The following DENND2B variants were observed in gnomAD, a reference collection of about 807,000 sequenced individuals.
DENND2B encodes DENN domain containing 2B.
Under a neutral mutation model 116.0 loss-of-function variants are expected in DENND2B, and 32 were observed. The ratio of observed to expected loss-of-function variants is 0.28; its 90% CI spans 0.21 to 0.37. DENND2B has a LOEUF of 0.37. DENND2B is among the 10% of genes least tolerant of loss of function. DENND2B has a pLI of 1.00. For missense variants in DENND2B, 1,276 were observed against 1,477.7 expected, an observed-to-expected ratio of 0.86 and a Z score of 2.24; for synonymous variants, 588 against 583.9, an observed-to-expected ratio of 1.01 and a Z score of -0.10.
chr11:8,835,874 C>T (rs1362538811), intron 4 of DENND2B, among the ~76,000 whole-genome samples: 6 of 152,150 alleles, frequency 3.9e-5, no homozygotes, highest in Admixed American at 6.6e-5. Context: ...ACAGAGCCTA[C>T]GGGGAATGCT....
chr11:8,836,632 G>A (rs942432665), intron 4 of DENND2B, among the ~76,000 whole-genome samples: 3 of 151,942 alleles, frequency 2.0e-5, no homozygotes, highest in Non-Finnish European at 2.9e-5. Context: ...ATGTTGGCCA[G>A]CCTGGTCTCA....
At chr11:8,896,151 T>A (rs1290627839) in intron 1 of DENND2B, among the ~76,000 whole-genome samples, 1 of 152,202 alleles carries the variant, frequency 6.6e-6, no homozygotes, top group Middle Eastern at 3.2e-3. Flanking sequence ...AGAACTGGTA[T>A]AATACTAACC....
intron 4 of DENND2B, among the ~76,000 whole-genome samples, chr11:8,830,515 C>T (rs2062163082): frequency 6.6e-6 from 1 of 152,210 alleles, no homozygotes; most frequent in Non-Finnish European, 1.5e-5. Flanking sequence ...TTAATATTTG[C>T]ATCACAATGT....
At chr11:8,728,142 T>C (rs986658155) in intron 3 of DENND2B, among the ~76,000 whole-genome samples, 3 of 152,104 alleles carry the variant, frequency 2.0e-5, no homozygotes, top group African/African-American at 7.2e-5. Context: ...TAGCTGAGAC[T>C]GCAGGCACAT....
chr11:8,707,327 C>T lies in DENND2B; in HGVS notation c.2431-102G>A, dbSNP rs2042776044. ...AGCCAAGCATCTGACCAGGCTAGCC[C>T]AGAAGCTGGGAGACGGGAAGGTGGT... On this transcript the variant is annotated intron_variant, in intron 12 of 19. Coordinates refer to ENST00000313726, the MANE Select transcript of DENND2B (RefSeq NM_213618.2). This position sits in a 1 kb window ranked among gnomAD's most constrained non-coding sequence, Gnocchi z 4.8. The T allele has an allele frequency of 2.7e-6, 4 of 1,465,168 alleles. No homozygotes were observed. The highest frequency in any genetic ancestry group is 2.3e-5 in the East Asian group (1 of 42,764). The allele number at this position is 1,465,168 out of a possible 1,614,324, so 90.8% of individuals were successfully genotyped here.
intron 1 of DENND2B, among the ~76,000 whole-genome samples, chr11:8,778,201 C>T (rs1034384539): frequency 6.6e-6 from 1 of 152,190 alleles, no homozygotes; most frequent in Non-Finnish European, 1.5e-5. Flanking sequence ...GCAACTAGCT[C>T]GAAAGAGTCT....
At chr11:8,709,770 C>G (rs894048050) in intron 11 of DENND2B, among the ~76,000 whole-genome samples, 10 of 152,138 alleles carry the variant, frequency 6.6e-5, no homozygotes, top group Non-Finnish European at 1.3e-4. Flanking sequence ...AACCCATGGG[C>G]TATTGTGATC....
At chr11:8,718,096 A>ATCCCCCCCCCCCCCCCCCCCCCC in intron 4 of DENND2B, 1 of 65,008 alleles carries the variant, frequency 1.5e-5, no homozygotes, top group Non-Finnish European at 2.9e-5. Context: ...AAGCAGACCC[A>ATCCCCCCCCCCCCCCCCCCCCCC]CCCCCCCACC....
intron 2 of DENND2B, among the ~76,000 whole-genome samples, chr11:8,859,030 T>G (rs569315833): frequency 2.6e-4 from 40 of 152,334 alleles, no homozygotes; most frequent in African/African-American, 9.4e-4. Context: ...GGCTGAAGAC[T>G]GAGCCCTTGG....
At chr11:8,853,999 C>T (rs1437177481) in intron 3 of DENND2B, among the ~76,000 whole-genome samples, 5 of 138,534 alleles carry the variant, frequency 3.6e-5, no homozygotes, top group Non-Finnish European at 6.1e-5. Flanking sequence ...CAGGTGAATG[C>T]CACCATGCCC....
chr11:8,718,504 A>G (rs2045520242), intron 4 of DENND2B: 1 of 1,461,316 alleles, frequency 6.8e-7, no homozygotes, highest in Admixed American at 2.3e-5. Flanking sequence ...CGGAACAGTG[A>G]TTAGCAAGGA....
chr11:8,699,009 G>A (rs978123446), intron 15 of DENND2B, 35 bp from the exon 16 acceptor site: 2 of 1,612,746 alleles, frequency 1.2e-6, no homozygotes, highest in Middle Eastern at 1.7e-4. Context: ...GTGGCTCAGG[G>A]CATGAGTCCC....
intron 1 of DENND2B, among the ~76,000 whole-genome samples, chr11:8,783,040 A>G (rs1593626398): frequency 7.0e-6 from 1 of 143,496 alleles, no homozygotes; most frequent in South Asian, 2.3e-4. Flanking sequence ...ATTTGCCACC[A>G]CTTACCTTTT....
chr11:8,710,795 C>A lies in DENND2B; in HGVS notation c.2352+50G>T, dbSNP rs1365593696. 6.0e-6 allele frequency: 7 copies of A among 1,164,420 alleles called. No homozygotes were observed. The highest frequency in any genetic ancestry group is 1.8e-5 in the Admixed American group (1 of 55,054). The allele number at this position is 1,164,420 out of a possible 1,614,324, so 72.1% of individuals were successfully genotyped here. On this transcript the variant is annotated intron_variant, in intron 11 of 19. Transcript: ENST00000313726. The stretch of plus-strand genomic sequence containing the variant: ...CACACACACACACACACACACACAC[C>A]CTGGCCTATCCCCTGCCTGCTGGCC...
rs1025927443 is a variant in DENND2B at position 8,698,807 on chromosome 11, G to T, written c.2940+126C>A. On this transcript the variant is annotated intron_variant, in intron 16 of 19. Transcript: ENST00000313726. ...CCAAGACCAGCTTCTCCCCACCCTT[G>T]ACTAGTCTGTGAGTAGTACTGAACC... 23 of 1,145,018 alleles carry T rather than the reference G, an allele frequency of 2.0e-5. No homozygotes were observed. In the African/African-American group the frequency reaches 2.9e-4, roughly 14 times the overall value. 70.9% of individuals were successfully genotyped at this position (1,145,018 alleles called of 1,614,324 possible).
chr11:8,858,267 A>G (rs1289611616), intron 2 of DENND2B, among the ~76,000 whole-genome samples: 1 of 152,238 alleles, frequency 6.6e-6, no homozygotes, highest in Non-Finnish European at 1.5e-5. Flanking sequence ...AAAAGTAAAG[A>G]TATCAGTAAA....
In DENND2B at chr11:8,712,589, T is replaced by C. The variant is rs1469952408; in HGVS notation, c.2134A>G (p.Asn712Asp). 6.4e-7 allele frequency: 1 copy of C among 1,556,146 alleles called. No individual in the cohort carries two copies. Among genetic ancestry groups the C allele is most frequent in the Admixed American group, 1.9e-5 (1 of 51,450 alleles). The change falls in exon 9 of 20, where the codon AAC (asparagine) becomes GAC (aspartate). Residue 712 changes from asparagine (N) to aspartate (D), a missense_variant. This residue lies in a region of DENND2B where 420 missense variants were observed against 631.1 expected (regional missense o/e 0.67). Coordinates refer to ENST00000313726, the MANE Select transcript of DENND2B (RefSeq NM_213618.2). The surrounding 1 kb of genome is among the most constrained non-coding windows in gnomAD (Gnocchi z 4.4). Reference sequence around the variant, plus strand: ...TAGGAGACTTCGGGGAGGTAGGTGTTTCGCGATGGCTTCTTCTTGAGGGAC... The same window carrying C: ...TAGGAGACTTCGGGGAGGTAGGTGTCTCGCGATGGCTTCTTCTTGAGGGAC... ...VVSLKKKPSR[N>D]TYLPEVSYQF...
In DENND2B at chr11:8,739,358, A is replaced by G. The variant is rs142026498; in HGVS notation, c.81-8149T>C. Among the ~76,000 whole-genome samples the G allele has an allele frequency of 8.1e-3, 1,239 of 152,330 alleles. 7 individuals are homozygous for G. Among genetic ancestry groups the G allele is most frequent in the Middle Eastern group, 0.034 (10 of 294 alleles). ...CACTTTCTGGGTGTGCTCATGGGCAAGCCCTCTAAGTTCTCTGTGCCTCAG... is the reference window on the plus strand; with the variant it reads ...CACTTTCTGGGTGTGCTCATGGGCAGGCCCTCTAAGTTCTCTGTGCCTCAG... On this transcript the variant is annotated intron_variant, in intron 2 of 19. Transcript: ENST00000313726.
At chr11:8,832,451 C>CAAAAAAAAAAAAAAAAAAAAAAAAAA (rs10715263) in intron 4 of DENND2B, 1 of 100,662 alleles carries the variant, frequency 9.9e-6, no homozygotes. Context: ...ACTCTGTCTC[C>CAAAAAAAAAAAAAAAAAAAAAAAAAA]AAAAAAAAAA....
Sources: allele counts gnomAD v4.1 joint callset (sites outside exome capture counted in the v4.1 genomes callset), GRCh38; gene constraint gnomAD v4.1.1; regional missense constraint gnomAD v4.1.1; non-coding constraint Gnocchi (gnomAD v3.1); transcripts MANE v1.5; gene names NCBI Gene and HGNC (gene_info 2026-07-23, HGNC 2026-07-21).